DIP2B: variants seen among roughly 807,000 people sequenced by gnomAD.
DIP2B encodes the protein disco-interacting protein 2 homolog B.
A neutral mutation model predicts 198.0 loss-of-function variants in DIP2B; 76 were observed. The observed-to-expected ratio is 0.38, with a 90% CI of 0.32 to 0.46. The LOEUF is 0.46. DIP2B is among the 20% of genes least tolerant of loss of function. The probability of loss-of-function intolerance (pLI) is 0.99; values close to 1 mark genes in which losing one functional copy is unlikely to be tolerated. For missense variants in DIP2B, 1,559 were observed against 1,978.4 expected (o/e 0.79, Z 4.02); for synonymous variants, 701 against 739.1 (o/e 0.95, Z 0.84).
intron 1 of DIP2B, among the ~76,000 whole-genome samples, chr12:50,565,110 C>T (rs1005626592): frequency 1.3e-5 from 2 of 151,892 alleles, no homozygotes; most frequent in African/African-American, 4.8e-5. Flanking sequence ...TCAAGTGATC[C>T]TCCCAGCTCA....
At chr12:50,723,071 G>A (rs1939870682) in intron 26 of DIP2B, 131 bp from the exon 27 acceptor site, 3 of 1,043,344 alleles carry the variant, frequency 2.9e-6, no homozygotes, top group African/African-American at 1.6e-5. Context: ...TTCTGCTAGG[G>A]TCTTTGTTAA....
At chr12:50,659,312 C>T (rs1938605667) in intron 3 of DIP2B, among the ~76,000 whole-genome samples, 1 of 152,078 alleles carries the variant, frequency 6.6e-6, no homozygotes. Flanking sequence ...AAAAGAGGAT[C>T]TCATTGGTCT....
At chr12:50,534,219 G>A (rs1453501681) in intron 1 of DIP2B, among the ~76,000 whole-genome samples, 2 of 152,034 alleles carry the variant, frequency 1.3e-5, no homozygotes, top group Non-Finnish European at 2.9e-5. Context: ...GCATCAACAG[G>A]CTGAGGACTC....
chr12:50,608,935 A>C (rs984343437), intron 1 of DIP2B, among the ~76,000 whole-genome samples: 1 of 152,280 alleles, frequency 6.6e-6, no homozygotes, highest in South Asian at 2.1e-4. Context: ...TGAGGTCAGG[A>C]GTTCGAGACC....
At chr12:50,579,516 G>T (rs1031794366) in intron 1 of DIP2B, among the ~76,000 whole-genome samples, 2 of 145,968 alleles carry the variant, frequency 1.4e-5, no homozygotes, top group African/African-American at 5.1e-5. Flanking sequence ...GGAGGCTGAG[G>T]CAGGAAAATC....
At chr12:50,633,458 A>G (rs960047034) in intron 2 of DIP2B, 2 of 152,182 alleles carry the variant, frequency 1.3e-5, no homozygotes, top group African/African-American at 4.8e-5. Context: ...AGTAGTAGAA[A>G]TTTAGTATGG....
chr12:50,543,648 C>A (rs1182977787), intron 1 of DIP2B, among the ~76,000 whole-genome samples: 3 of 151,644 alleles, frequency 2.0e-5, no homozygotes, highest in African/African-American at 7.3e-5. Context: ...TTGGGCCGGT[C>A]ATGGTGTCTC....
chr12:50,728,507 G>A (rs747454121), intron 29 of DIP2B, 41 bp from the exon 30 acceptor site: 2 of 1,593,040 alleles, frequency 1.3e-6, no homozygotes, highest in South Asian at 2.3e-5. Context: ...TCTGCCTGTG[G>A]GATAACAGTC....
intron 1 of DIP2B, among the ~76,000 whole-genome samples, chr12:50,530,919 TAGCAGC>T: frequency 6.6e-6 from 1 of 152,172 alleles, no homozygotes; most frequent in East Asian, 1.9e-4. Context: ...TGGAGATCTG[TAGCAGC>T]AGTTGGGTGT....
At chr12:50,507,026 C>A (rs1957974309) in intron 1 of DIP2B, among the ~76,000 whole-genome samples, 3 of 152,118 alleles carry the variant, frequency 2.0e-5, no homozygotes, top group Admixed American at 2.0e-4. Context: ...TTCTAGACAT[C>A]TCTAGAATGT....
At chr12:50,712,619 C>T (rs930120314) in intron 22 of DIP2B, among the ~76,000 whole-genome samples, 7 of 147,944 alleles carry the variant, frequency 4.7e-5, no homozygotes, top group African/African-American at 7.5e-5. Flanking sequence ...AACAAACAAA[C>T]GAAAAAGGGC....
chr12:50,731,531 G>A lies in DIP2B; in HGVS notation c.3804G>A (p.Val1268=). Residue 1268 remains valine (V), a synonymous_variant, in exon 31 of 38, where the codon GTG becomes GTA. Transcript: ENST00000301180. Reference sequence around the variant, plus strand: ...AAGGTCTTGGGAACCAAGTGGAAGTGCTAAAGGTAAGAAGCAGCTCCAGCA... The same window carrying A: ...AAGGTCTTGGGAACCAAGTGGAAGTACTAAAGGTAAGAAGCAGCTCCAGCA... ...CTKGLGNQVE[V]LKTRGINLSC... The A allele has an allele frequency of 6.2e-7, 1 of 1,612,128 alleles. No homozygotes were observed. Among genetic ancestry groups the A allele is most frequent in the Non-Finnish European group, 8.5e-7 (1 of 1,178,838 alleles).
In DIP2B at chr12:50,547,955, G is replaced by C. The variant is rs531252480; in HGVS notation, c.100+42715G>C. Among the ~76,000 whole-genome samples the C allele has an allele frequency of 3.3e-5, 5 of 152,236 alleles. No homozygotes were observed. The East Asian group carries it at 9.7e-4, about 29-fold the overall frequency. ...ATGGTTGTGCATGCCTGTAGTTCTA[G>C]CTACTTGGGAGGCTGCAATGGGAGG... On this transcript the variant is annotated intron_variant, in intron 1 of 37. Coordinates refer to ENST00000301180, the MANE Select transcript of DIP2B (RefSeq NM_173602.3).
At chr12:50,575,444 G>A (rs1323853815) in intron 1 of DIP2B, among the ~76,000 whole-genome samples, 1 of 151,634 alleles carries the variant, frequency 6.6e-6, no homozygotes, top group Non-Finnish European at 1.5e-5. Flanking sequence ...GTGCAGTGAC[G>A]TGATCATGGC....
rs1218513753 is a variant in DIP2B, at chr12:50,505,160, A to G, written c.20A>G (p.Glu7Gly). MAERGL[E>G]PSPAAVAALP... ...GCTGGGATGGCGGAACGAGGCCTGG[A>G]GCCGTCGCCGGCCGCGGTGGCGGCG... Residue 7 changes from glutamate to glycine, a missense_variant, in exon 1 of 38, where the codon GAG becomes GGG. By Grantham distance (98) the Glu-to-Gly change is moderately conservative. Coordinates refer to ENST00000301180, the MANE Select transcript of DIP2B (RefSeq NM_173602.3). The G allele has an allele frequency of 6.6e-7, 1 of 1,526,392 alleles. No individual in the cohort carries two copies. The allele number at this position is 1,526,392 out of a possible 1,614,324, so 94.6% of individuals were successfully genotyped here. A position where few individuals can be genotyped will look rare whatever the true frequency, so the allele number is the denominator to read the frequency against.
chr12:50,722,101 A>G (rs924364438), intron 26 of DIP2B, among the ~76,000 whole-genome samples: 2 of 152,096 alleles, frequency 1.3e-5, no homozygotes, highest in Non-Finnish European at 2.9e-5. Flanking sequence ...TTTGGTGACA[A>G]TTTGGTGTAA....
chr12:50,673,176 A>G (rs192061657), intron 5 of DIP2B, among the ~76,000 whole-genome samples: 13 of 152,342 alleles, frequency 8.5e-5, no homozygotes, highest in African/African-American at 2.6e-4. Context: ...ATACCGGAAT[A>G]TACTCATGTT....
chr12:50,676,212 C>T (rs1038667490), intron 7 of DIP2B, among the ~76,000 whole-genome samples: 65 of 152,200 alleles, frequency 4.3e-4, no homozygotes, highest in African/African-American at 1.5e-3. Flanking sequence ...AGAGTGATGA[C>T]GATAGATCTA....
chr12:50,743,037 T>C (rs1402090503), intron 37 of DIP2B, among the ~76,000 whole-genome samples: 5 of 152,136 alleles, frequency 3.3e-5, no homozygotes. Flanking sequence ...ATTTTAGACA[T>C]TTGACTCTTA....
Sources: allele counts gnomAD v4.1 joint callset (sites outside exome capture counted in the v4.1 genomes callset), GRCh38; gene constraint gnomAD v4.1.1; transcripts MANE v1.5; gene names NCBI Gene and HGNC (gene_info 2026-07-23, HGNC 2026-07-21).